Variants in ROBO2 observed in about 807,000 individuals in gnomAD.
ROBO2 encodes roundabout homolog 2.
ROBO2 carries 53 observed loss-of-function variants against 160.8 expected under a neutral mutation model. That is an observed-to-expected ratio of 0.33 (90% confidence interval 0.26 to 0.41). ROBO2 has a LOEUF of 0.41. Ranked by LOEUF, ROBO2 falls within the 10% of genes least tolerant of loss-of-function variation. The pLI is 1.00. For missense variants in ROBO2, 1,577 were observed against 1,722.4 expected (o/e 0.92, Z 1.49); for synonymous variants, 664 against 611.7 (o/e 1.09, Z -1.26).
At chr3:77,505,097 G>A (rs2088277450) in intron 5 of ROBO2, among the ~76,000 whole-genome samples, 1 of 152,182 alleles carries the variant, frequency 6.6e-6, no homozygotes, top group Admixed American at 6.6e-5. Context: ...TTCAAGTGAA[G>A]TGTTTATATG....
chr3:77,451,723 T>G (rs7641911), intron 2 of ROBO2, among the ~76,000 whole-genome samples: 89,389 of 150,964 alleles, frequency 0.59, 27,145 homozygotes, highest in African/African-American at 0.72. Flanking sequence ...TTTCTTTTTT[T>G]TGTGTGTGAT....
At chr3:77,486,144 G>A (rs1027421859) in intron 4 of ROBO2, among the ~76,000 whole-genome samples, 1 of 152,156 alleles carries the variant, frequency 6.6e-6, no homozygotes, top group African/African-American at 2.4e-5. Context: ...GTATTCCATG[G>A]TGTATTTGTA....
chr3:77,575,600 T>C (rs1054926071), intron 14 of ROBO2, among the ~76,000 whole-genome samples: 1 of 152,094 alleles, frequency 6.6e-6, no homozygotes, highest in Non-Finnish European at 1.5e-5. Context: ...TGTTTTGCAG[T>C]GTGATACACT....
At chr3:77,320,960 AC>A (rs2064623254) in intron 2 of ROBO2, among the ~76,000 whole-genome samples, 1 of 152,188 alleles carries the variant, frequency 6.6e-6, no homozygotes, top group Non-Finnish European at 1.5e-5. Flanking sequence ...TAGGCAAGGT[AC>A]TTTACTGTCC....
chr3:76,412,554 C>T (rs1205338974), intron 2 of ROBO2, among the ~76,000 whole-genome samples: 1 of 152,170 alleles, frequency 6.6e-6, no homozygotes, highest in Admixed American at 6.5e-5. Flanking sequence ...GTAAATACAG[C>T]CACTCCAAAT....
chr3:76,413,966 A>G (rs1257574533), intron 2 of ROBO2, among the ~76,000 whole-genome samples: 3 of 152,204 alleles, frequency 2.0e-5, no homozygotes, highest in South Asian at 2.1e-4. Context: ...TTACAGTTCC[A>G]CATGGCTGGG....
chr3:76,445,103 T>G (rs1456920086), intron 2 of ROBO2, among the ~76,000 whole-genome samples: 1 of 152,136 alleles, frequency 6.6e-6, no homozygotes, highest in Non-Finnish European at 1.5e-5. Context: ...CCGACTACAG[T>G]TTACTAGCAA....
chr3:76,995,417 G>A (rs7625511), intron 2 of ROBO2, among the ~76,000 whole-genome samples: 44,477 of 152,006 alleles, frequency 0.29, 7,080 homozygotes, highest in East Asian at 0.65. Context: ...ACATACGCGT[G>A]CATGTGTCTT....
intron 2 of ROBO2, among the ~76,000 whole-genome samples, chr3:76,498,054 T>C (rs2080250497): frequency 6.6e-6 from 1 of 152,216 alleles, no homozygotes; most frequent in African/African-American, 2.4e-5. Flanking sequence ...CCTTCCCAAT[T>C]TGAAGATAGG....
intron 2 of ROBO2, among the ~76,000 whole-genome samples, chr3:76,774,172 G>T (rs987753319): frequency 5.3e-5 from 8 of 150,790 alleles, no homozygotes; most frequent in Admixed American, 2.7e-4. Flanking sequence ...TATGTTAAAT[G>T]AATTATATTG....
At chr3:76,092,878 A>G (rs2069289464) in intron 2 of ROBO2, among the ~76,000 whole-genome samples, 1 of 152,208 alleles carries the variant, frequency 6.6e-6, no homozygotes, top group Admixed American at 6.5e-5. Flanking sequence ...AACAGTTTGA[A>G]GTATTTTCCT....
chr3:77,087,768 A>G (rs2069528688), intron 1 of ROBO2, among the ~76,000 whole-genome samples: 1 of 152,168 alleles, frequency 6.6e-6, no homozygotes, highest in African/African-American at 2.4e-5. Flanking sequence ...ATGTGTGTAT[A>G]CATGTATATA....
At chr3:77,009,920 T>A (rs1302871668) in intron 2 of ROBO2, among the ~76,000 whole-genome samples, 2 of 131,470 alleles carry the variant, frequency 1.5e-5, no homozygotes, top group African/African-American at 5.8e-5. Flanking sequence ...CACTCCAGCC[T>A]GAGTGACAGA....
chr3:77,122,178 C>T (rs1034555944), intron 2 of ROBO2, among the ~76,000 whole-genome samples: 1 of 152,084 alleles, frequency 6.6e-6, no homozygotes, highest in Non-Finnish European at 1.5e-5. Flanking sequence ...AGATGTAACT[C>T]TCTTGTTCTA....
chr3:76,326,597 A>ATTATCTTTTT lies in ROBO2; in HGVS notation c.109+389004_109+389005insTTTATCTTTT, dbSNP rs1171413643. On this transcript the variant is annotated intron_variant, in intron 2 of 26. Coordinates refer to the ROBO2 transcript ENST00000487694. ...GAAAAATTTATTCATATGCAGAATT[A>ATTATCTTTTT]TTATCTTTTATTTATTTATTTATTT... Among the ~76,000 whole-genome samples, 6 of 151,150 alleles carry ATTATCTTTTT rather than the reference A, an allele frequency of 4.0e-5. 1 individual carries two copies. Among genetic ancestry groups the ATTATCTTTTT allele is most frequent in the Non-Finnish European group, 8.8e-5 (6 of 67,996 alleles).
chr3:77,087,946 G>T (rs921901701), intron 1 of ROBO2, among the ~76,000 whole-genome samples: 1 of 151,776 alleles, frequency 6.6e-6, no homozygotes, highest in African/African-American at 2.4e-5. Flanking sequence ...CCTGTGGTTC[G>T]ATTGCCTTCA....
intron 19 of ROBO2, among the ~76,000 whole-genome samples, chr3:77,600,818 A>G (rs559293802): frequency 6.6e-6 from 1 of 152,336 alleles, no homozygotes; most frequent in South Asian, 2.1e-4. Flanking sequence ...TAATTAGGAC[A>G]TAGCTCAAAG....
In ROBO2 at chr3:76,488,423, G is replaced by A. The variant is rs2079618414; in HGVS notation, c.109+550821G>A. 2.6e-5 allele frequency among the ~76,000 whole-genome samples: 4 copies of A among 151,986 alleles called. No homozygotes were observed. The South Asian group carries it at 8.3e-4, about 32-fold the overall frequency. ...CTGCTGTTAGAGAAGACCTGCCATTGCCTGCCATGTGGTCCTCTCTCTGCT... is the reference window on the plus strand; with the variant it reads ...CTGCTGTTAGAGAAGACCTGCCATTACCTGCCATGTGGTCCTCTCTCTGCT... On this transcript the variant is annotated intron_variant, in intron 2 of 26. Coordinates refer to the ROBO2 transcript ENST00000487694.
chr3:76,119,828 C>G (rs955233422), intron 2 of ROBO2, among the ~76,000 whole-genome samples: 22 of 151,550 alleles, frequency 1.5e-4, no homozygotes, highest in Non-Finnish European at 2.9e-4. Flanking sequence ...ACATGACTTA[C>G]CTTTCTTGCT....
Sources: allele counts gnomAD v4.1 joint callset (sites outside exome capture counted in the v4.1 genomes callset), GRCh38; gene constraint gnomAD v4.1.1; transcripts MANE v1.5; gene names NCBI Gene and HGNC (gene_info 2026-07-23, HGNC 2026-07-21).